Variants in S100PBP observed in about 807,000 individuals in gnomAD.
S100PBP encodes the protein S100P binding protein.
Under a neutral mutation model 39.9 loss-of-function variants are expected in S100PBP, and 15 were observed. That is an observed-to-expected ratio of 0.38 (90% CI 0.25 to 0.58). S100PBP has a LOEUF of 0.58. Among genes scored for constraint, S100PBP ranks in the 20% least tolerant of loss-of-function variants. S100PBP has a pLI of 0.70. For synonymous variants in S100PBP, 178 were observed against 180.3 expected (o/e 0.99, Z 0.10); for missense variants, 504 against 487.3 (o/e 1.03, Z -0.32).
chr1:32,842,846 T>C (rs1304580137), intron 5 of S100PBP: 1 of 152,232 alleles, frequency 6.6e-6, no homozygotes, highest in East Asian at 1.9e-4. Flanking sequence ...TCAGCCCTCC[T>C]CAGCCTCCCA....
intron 1 of S100PBP, among the ~76,000 whole-genome samples, chr1:32,822,230 TG>T (rs1639103745): frequency 6.6e-6 from 1 of 152,154 alleles, no homozygotes; most frequent in Non-Finnish European, 1.5e-5. Context: ...TGATAGTCAT[TG>T]GGGTTGAGTG....
intron 5 of S100PBP, among the ~76,000 whole-genome samples, chr1:32,831,746 C>G (rs182019737): frequency 6.6e-6 from 1 of 152,052 alleles, no homozygotes; most frequent in Non-Finnish European, 1.5e-5. Context: ...TTAAAAGAAA[C>G]CTGTCTATAT....
Position 32,828,194 on chromosome 1 carries a change from AG to A in S100PBP, c.920+114del, listed in dbSNP as rs1639427222. 5 of 626,064 alleles carry A rather than the reference AG, an allele frequency of 8.0e-6. No homozygotes were observed. The Admixed American group carries it at 9.1e-5, about 11-fold the overall frequency. 38.8% of individuals were successfully genotyped at this position (626,064 alleles called of 1,614,324 possible). A position where few individuals can be genotyped will look rare whatever the true frequency, so the allele number is the denominator to read the frequency against. On this transcript the variant is annotated intron_variant, in intron 4 of 6. Transcript: ENST00000373475. ...GAAAAAAATCCCTACTCCAGGAGTA[AG>A]CAAACTTGAAGTTCTAGCACTACCA...
At chr1:32,849,164 A>G (rs1427718387) in intron 5 of S100PBP, among the ~76,000 whole-genome samples, 1 of 144,016 alleles carries the variant, frequency 6.9e-6, no homozygotes, top group Non-Finnish European at 1.5e-5. Context: ...TTTTTTTTGG[A>G]GACAGTGTCT....
Position 32,826,432 on chromosome 1 carries a change from T to G in S100PBP, c.333T>G (p.Pro111=). The G allele has an allele frequency of 6.2e-7, 1 of 1,614,158 alleles. No individual in the cohort carries two copies. Among genetic ancestry groups the G allele is most frequent in the Non-Finnish European group, 8.5e-7 (1 of 1,180,026 alleles). The change falls in exon 3 of 7, where the codon CCT becomes CCG. Residue 111 remains proline, a synonymous_variant. Coordinates refer to ENST00000373475, the MANE Select transcript of S100PBP (RefSeq NM_022753.4). ...SYSLGPVAET[P]DLFKLPQLST... ...GCCTGGGACCAGTAGCTGAGACTCC[T>G]GACCTCTTCAAACTACCTCAGCTAA... is the stretch of plus-strand genomic sequence containing the variant.
rs116900521 is a variant in S100PBP at position 32,829,806 on chromosome 1, G to A, written c.921-158G>A. 6.6e-4 allele frequency among the ~76,000 whole-genome samples: 101 copies of A among 151,912 alleles called. No individual in the cohort carries two copies. In the East Asian group the frequency reaches 0.012, roughly 18 times the overall value. On this transcript the variant is annotated intron_variant, in intron 4 of 6. Coordinates refer to ENST00000373475, the MANE Select transcript of S100PBP (RefSeq NM_022753.4). ...CATACTCCATTTTAGTTTTTTTTGT[G>A]TATGACTAATACTGTCCTCTGCCTC... is the stretch of plus-strand genomic sequence containing the variant.
chr1:32,824,205 CAAAA>C (rs35200829), intron 1 of S100PBP, among the ~76,000 whole-genome samples: 7 of 129,446 alleles, frequency 5.4e-5, no homozygotes, highest in Non-Finnish European at 8.2e-5. Flanking sequence ...GACTCCGTCT[CAAAA>C]AAAAAAAAAA....
At chr1:32,816,925 G>A, upstream of S100PBP, 1 of 593,338 alleles carries the variant, frequency 1.7e-6, no homozygotes, top group Non-Finnish European at 3.0e-6. Context: ...ATAGGGGGGT[G>A]GAATGGGAGT....
upstream of S100PBP, chr1:32,817,236 G>T: frequency 6.2e-7 from 1 of 1,614,080 alleles, no homozygotes. Context: ...GGCTGGGAGC[G>T]TCCCCCATGG....
At chr1:32,836,515 C>T in intron 5 of S100PBP, 37 of 974,402 alleles carry the variant, frequency 3.8e-5, no homozygotes, top group Non-Finnish European at 4.4e-5. Context: ...TGTGTCCCAA[C>T]TAAGTATTGT....
At chr1:32,816,977 C>G (rs1638759864), upstream of S100PBP, 2 of 638,266 alleles carry the variant, frequency 3.1e-6, no homozygotes, top group Admixed American at 5.3e-5. Flanking sequence ...CAACTGGACG[C>G]AAGAGGTGAG....
chr1:32,823,212 A>G (rs1022017423), intron 1 of S100PBP, among the ~76,000 whole-genome samples: 15 of 152,226 alleles, frequency 9.9e-5, no homozygotes, highest in African/African-American at 2.4e-4. Flanking sequence ...ATGGGGGGCA[A>G]TGGCCCAGAA....
intron 5 of S100PBP, among the ~76,000 whole-genome samples, chr1:32,840,842 A>T (rs183478245): frequency 1.3e-5 from 2 of 152,040 alleles, no homozygotes; most frequent in African/African-American, 4.8e-5. Context: ...TCTTTGGTGA[A>T]GTATTTTTTG....
chr1:32,853,128 G>C lies in S100PBP; in HGVS notation c.1074G>C (p.Gln358His), dbSNP rs1233436156. The change falls in exon 6 of 7, where the codon CAG (glutamine) becomes CAC (histidine). Residue 358 changes from glutamine (Q) to histidine (H), a missense_variant. By Grantham distance (24) the Gln-to-His change is conservative. Coordinates refer to ENST00000373475, the MANE Select transcript of S100PBP (RefSeq NM_022753.4). ...CALMDQVHHM[Q>H]HSKWQHPSDL... Reference sequence around the variant, plus strand: ...TGATGGATCAAGTTCATCATATGCAGCACTCAAAATGGCAGCATCCTTCGG... The same window carrying C: ...TGATGGATCAAGTTCATCATATGCACCACTCAAAATGGCAGCATCCTTCGG... 6.2e-7 allele frequency: 1 copy of C among 1,613,242 alleles called. No homozygotes were observed. Among genetic ancestry groups the C allele is most frequent in the South Asian group, 1.1e-5 (1 of 91,040 alleles).
At chr1:32,822,992 C>T (rs567315391) in intron 1 of S100PBP, among the ~76,000 whole-genome samples, 3 of 152,102 alleles carry the variant, frequency 2.0e-5, no homozygotes, top group Admixed American at 6.5e-5. Flanking sequence ...GCTGACCAAT[C>T]CTGTGCAAGT....
At position 32,840,390 on chromosome 1, in the gene S100PBP, C is replaced by A. The variant is rs113857301; in HGVS notation, c.1024+10323C>A. On this transcript the variant is annotated intron_variant, in intron 5 of 6. Coordinates refer to ENST00000373475, the MANE Select transcript of S100PBP (RefSeq NM_022753.4). ...TTTTATTTTGAGGCAGAGTCTTGCT[C>A]TGTTGCCCAAGCTGGAATGCAATGG... 5.7e-3 allele frequency among the ~76,000 whole-genome samples: 865 copies of A among 152,212 alleles called. 1 individual carries two copies. Among genetic ancestry groups the A allele is most frequent in the Non-Finnish European group, 9.8e-3 (669 of 68,022 alleles).
At chr1:32,844,779 A>C (rs1640281641) in intron 5 of S100PBP, among the ~76,000 whole-genome samples, 2 of 151,912 alleles carry the variant, frequency 1.3e-5, no homozygotes, top group African/African-American at 4.8e-5. Flanking sequence ...AGATAGAGAT[A>C]TATATCTCTG....
chr1:32,840,438 C>T (rs1340982295), intron 5 of S100PBP, among the ~76,000 whole-genome samples: 5 of 152,160 alleles, frequency 3.3e-5, no homozygotes, highest in African/African-American at 1.2e-4. Flanking sequence ...TCGCTACAAC[C>T]TCCCCCTCCT....
chr1:32,832,273 A>G (rs1639635434), intron 5 of S100PBP, among the ~76,000 whole-genome samples: 1 of 45,922 alleles, frequency 2.2e-5, no homozygotes, highest in South Asian at 1.3e-3. Context: ...ATTTTTTCAT[A>G]CTGAAGTTTT....
Sources: allele counts gnomAD v4.1 joint callset (sites outside exome capture counted in the v4.1 genomes callset), GRCh38; gene constraint gnomAD v4.1.1; transcripts MANE v1.5; gene names NCBI Gene and HGNC (gene_info 2026-07-23, HGNC 2026-07-21).